HRNR: variants seen among roughly 807,000 people sequenced by gnomAD.
The protein encoded by HRNR is hornerin, also known as filaggrin family member 3.
A neutral mutation model predicts 4.8 loss-of-function variants in HRNR; 7 were observed. That is an observed-to-expected ratio of 1.47 (90% CI 0.83 to 2.75). HRNR has a LOEUF of 2.75. Ranked by LOEUF, HRNR falls within the 30% of genes most tolerant of loss-of-function variation. The pLI is 0.00. For missense variants in HRNR, 2,879 were observed against 3,010.4 expected, an observed-to-expected ratio of 0.96 and a Z score of 1.02; for synonymous variants, 1,023 against 1,242.7, an observed-to-expected ratio of 0.82 and a Z score of 3.72.
rs1340374684 is a variant in HRNR, at chr1:152,220,730, C to T, written c.899G>A (p.Gly300Glu). The T allele has an allele frequency of 6.2e-7, 1 of 1,613,798 alleles. No individual in the cohort carries two copies. The highest frequency in any genetic ancestry group is 8.5e-7 in the Non-Finnish European group (1 of 1,179,942). Residue 300 changes from glycine (G) to glutamate (E), a missense_variant, in exon 3 of 3, where the codon GGG becomes GAG. Transcript: ENST00000368801. Reference sequence around the variant, plus strand: ...GCTAGGAGACTGGCGAGATCCAGACCCTTGTCGGCCGTGGCCCAAAGACTG... The same window carrying T: ...GCTAGGAGACTGGCGAGATCCAGACTCTTGTCGGCCGTGGCCCAAAGACTG... ...SRQSLGHGRQ[G>E]SGSRQSPSHV...
At position 152,218,308 on chromosome 1, in the gene HRNR, A is replaced by C; in HGVS notation, c.3321T>G (p.Ser1107=). 1 of 1,608,244 alleles carries C rather than the reference A, an allele frequency of 6.2e-7. No individual in the cohort carries two copies. The highest frequency in any genetic ancestry group is 8.5e-7 in the Non-Finnish European group (1 of 1,178,844). ...CATAGCCAGAAGACTGACTTGAGCC[A>C]GAGCCATGCTGACCGTGGCTGGAAG... ...GQSSSHGQHG[S]GSSQSSGYGR... Residue 1107 remains serine, a synonymous_variant, in exon 3 of 3, where the codon TCT becomes TCG. Transcript: ENST00000368801.
Position 152,221,390 on chromosome 1 carries a change from T to G in HRNR, c.239A>C (p.Lys80Thr), listed in dbSNP as rs749961162. The change falls in exon 3 of 3, where the codon AAG becomes ACG. Residue 80 changes from lysine to threonine, a missense_variant. This residue lies in a region of HRNR where 2,646 missense variants were observed against 1,377.7 expected (regional missense o/e 1.92). Transcript: ENST00000368801. ...DFTEYLLMIFKLVQARNKIIG... is the reference protein window; with the variant it reads ...DFTEYLLMIFTLVQARNKIIG... ...GATTTTATTACGAGCCTGAACCAGC[T>G]TGAATATCATCAGAAGATACTCAGT... 3.1e-6 allele frequency: 5 copies of G among 1,613,920 alleles called. 1 individual carries two copies. The South Asian group carries it at 5.5e-5, about 18-fold the overall frequency.
In HRNR at chr1:152,212,861, C is replaced by A; in HGVS notation, c.*215G>T. On this transcript the variant is annotated 3_prime_UTR_variant, in exon 3 of 3. Transcript: ENST00000368801. ...AACAAGTTATTCCACTCAGTATTTT[C>A]TAACAAAGTAGCACAAATGCCTAAC... 3.1e-6 allele frequency: 2 copies of A among 636,736 alleles called. No individual in the cohort carries two copies. The highest frequency in any genetic ancestry group is 5.3e-6 in the Non-Finnish European group (2 of 377,968). 39.4% of individuals were successfully genotyped at this position (636,736 alleles called of 1,614,324 possible).
In HRNR at chr1:152,219,374, T is replaced by C. The variant is rs772339067; in HGVS notation, c.2255A>G (p.Tyr752Cys). ...HGSSSGLSSS[Y>C]GQHGSGSHQS... is the part of the protein sequence containing the mutation. ...ATGGGAGCCCGACCCATGCTGACCA[T>C]AGCTGGAAGACAAACCTGAGCTAGA... Residue 752 changes from tyrosine (Y) to cysteine (C), a missense_variant, in exon 3 of 3, where the codon TAT (tyrosine) becomes TGT (cysteine). Physicochemically the swap from Tyr to Cys is radical, Grantham distance 194 (BLOSUM62 -2). Around this residue, in one of 8 missense-constraint regions of HRNR, gnomAD observed 2,646 missense variants for 1,377.7 expected, o/e 1.92. Transcript: ENST00000368801. 25 of 1,613,930 alleles carry C rather than the reference T, an allele frequency of 1.5e-5. No individual in the cohort carries two copies. The Middle Eastern group carries it at 6.6e-4, about 43-fold the overall frequency.
chr1:152,221,015 T>C lies in HRNR; in HGVS notation c.614A>G (p.Tyr205Cys). The part of the protein sequence containing the change: ...CGSGSGQSPN[Y>C]GQHGSGSGQS... ...TCCGGAGCCAGAGCCGTGTTGGCCA[T>C]AGTTGGGAGACTGCCCTGACCCAGA... The change falls in exon 3 of 3, where the codon TAT (tyrosine) becomes TGT (cysteine). Residue 205 changes from tyrosine to cysteine, a missense_variant. This residue lies in a region of HRNR where 2,646 missense variants were observed against 1,377.7 expected (regional missense o/e 1.92). Transcript: ENST00000368801. The C allele has an allele frequency of 6.2e-7, 1 of 1,613,962 alleles. No homozygotes were observed. Among genetic ancestry groups the C allele is most frequent in the Non-Finnish European group, 8.5e-7 (1 of 1,180,002 alleles).
rs186903853 is a variant in HRNR, at chr1:152,220,373, C to G, written c.1256G>C (p.Gly419Ala). The stretch of plus-strand genomic sequence containing the variant: ...GCCGTGGCCTGGAGACTGGCCAGAT[C>G]CAGAGCTGTGTTGGCCGCGGCCTGA... ...HSSGRGQHSS[G>A]SGQSPGHGQR... Residue 419 changes from glycine (G) to alanine (A), a missense_variant, in exon 3 of 3, where the codon GGA becomes GCA. Physicochemically the swap from Gly to Ala is moderately conservative, Grantham distance 60. Transcript: ENST00000368801. 47 of 1,613,652 alleles carry G rather than the reference C, an allele frequency of 2.9e-5. No individual in the cohort carries two copies. Among genetic ancestry groups the G allele is most frequent in the Non-Finnish European group, 3.9e-5 (46 of 1,179,740 alleles).
Position 152,218,547 on chromosome 1 carries a change from T to C in HRNR, c.3082A>G (p.Arg1028Gly), listed in dbSNP as rs199973792. The change falls in exon 3 of 3, where the codon AGG becomes GGG. Residue 1028 changes from arginine to glycine, a missense_variant. Arg to Gly is a moderately radical substitution (Grantham distance 125). Transcript: ENST00000368801. ...CTTGAAGACCACCCTGAGCCAGACCTATATGGGCCATAGCTGGAAGACTGC... is the reference window on the plus strand; with the variant it reads ...CTTGAAGACCACCCTGAGCCAGACCCATATGGGCCATAGCTGGAAGACTGC... Reference protein sequence around the residue: ...SGQSSSYGPYRSGSGWSSSRG... With the variant: ...SGQSSSYGPYGSGSGWSSSRG... 1.8e-4 allele frequency: 292 copies of C among 1,607,654 alleles called. 3 individuals are homozygous for C. The East Asian group carries it at 2.7e-3, about 15-fold the overall frequency.
rs750130006 is a variant in HRNR, at chr1:152,219,972, T to A, written c.1657A>T (p.Arg553Trp). The change falls in exon 3 of 3, where the codon AGG becomes TGG. Residue 553 changes from arginine (R) to tryptophan (W), a missense_variant. Arg to Trp is a moderately radical substitution (Grantham distance 101). Coordinates refer to ENST00000368801, the MANE Select transcript of HRNR (RefSeq NM_001009931.3). ...TGTGGGCCATAGCTGGAAGACTGCC[T>A]GGAACCAGACTCATGTCGGCCACGG... ...PSRGRHESGS[R>W]QSSSYGPHGY... 1.2e-6 allele frequency: 2 copies of A among 1,610,832 alleles called. No individual in the cohort carries two copies. The highest frequency in any genetic ancestry group is 1.7e-6 in the Non-Finnish European group (2 of 1,179,156).
In HRNR at chr1:152,221,153, A is replaced by C; in HGVS notation, c.476T>G (p.Leu159Arg). 1 of 1,614,226 alleles carries C rather than the reference A, an allele frequency of 6.2e-7. No homozygotes were observed. Among genetic ancestry groups the C allele is most frequent in the Non-Finnish European group, 8.5e-7 (1 of 1,180,036 alleles). The change falls in exon 3 of 3, where the codon CTG (leucine) becomes CGG (arginine). Residue 159 changes from leucine (L) to arginine (R), a missense_variant. Transcript: ENST00000368801. ...KPGTESISRR[L>R]SFQRDFSGQH... is the part of the protein sequence containing the mutation. ...GCCAGAAAAGTCTCTTTGAAAACTC[A>C]GTCTTCTGGATATGGATTCAGTCCC...
chr1:152,218,604 G>A lies in HRNR; in HGVS notation c.3025C>T (p.Pro1009Ser). Residue 1009 changes from proline to serine, a missense_variant, in exon 3 of 3, where the codon CCT becomes TCT. Coordinates refer to ENST00000368801, the MANE Select transcript of HRNR (RefSeq NM_001009931.3). ...HGSGSGQSPS[P>S]SRGRHGSGSG... is the part of the protein sequence containing the mutation. ...CCAGACCCATGTCGGCCACGGCTAG[G>A]GCTAGGAGACTGGCCAGATCCAGAC... 11 of 1,612,570 alleles carry A rather than the reference G, an allele frequency of 6.8e-6. No individual in the cohort carries two copies. Among genetic ancestry groups the A allele is most frequent in the Non-Finnish European group, 7.6e-6 (9 of 1,179,640 alleles).
At position 152,220,498 on chromosome 1, in the gene HRNR, A is replaced by G; in HGVS notation, c.1131T>C (p.His377=). 3.1e-6 allele frequency: 5 copies of G among 1,609,496 alleles called. No homozygotes were observed. Among genetic ancestry groups the G allele is most frequent in the Non-Finnish European group, 4.2e-6 (5 of 1,178,206 alleles). The change falls in exon 3 of 3, where the codon CAT becomes CAC. Residue 377 remains histidine (H), a synonymous_variant. Coordinates refer to ENST00000368801, the MANE Select transcript of HRNR (RefSeq NM_001009931.3). The stretch of plus-strand genomic sequence containing the variant: ...TTGATGCCTGCCCTGACGTAGATCC[A>G]TGTTGTCCCTGGCTAGAGGAGTGAC... ...GSGHSSSQGQ[H]GSTSGQASSS... is the part of the protein sequence containing the mutation.
At position 152,219,798 on chromosome 1, in the gene HRNR, C is replaced by T. The variant is rs1365550711; in HGVS notation, c.1831G>A (p.Gly611Arg). 1.7e-5 allele frequency: 28 copies of T among 1,611,930 alleles called. No homozygotes were observed. The highest frequency in any genetic ancestry group is 2.3e-5 in the Non-Finnish European group (27 of 1,178,700). Reference sequence around the variant, plus strand: ...TGTCCTGATGTAGAACCATGTTGCCCATGGGTAGAGGAATGACCCGAGCTA... The same window carrying T: ...TGTCCTGATGTAGAACCATGTTGCCTATGGGTAGAGGAATGACCCGAGCTA... The part of the protein sequence containing the change: ...GSSSGHSSTH[G>R]QHGSTSGQSS... Residue 611 changes from glycine (G) to arginine (R), a missense_variant, in exon 3 of 3, where the codon GGG becomes AGG. Gly to Arg is a moderately radical substitution (Grantham distance 125). Coordinates refer to ENST00000368801, the MANE Select transcript of HRNR (RefSeq NM_001009931.3).
At position 152,219,720 on chromosome 1, in the gene HRNR, C is replaced by T. The variant is rs61814944; in HGVS notation, c.1909G>A (p.Gly637Ser). 1.1e-4 allele frequency: 184 copies of T among 1,613,434 alleles called. No homozygotes were observed. Among genetic ancestry groups the T allele is most frequent in the Non-Finnish European group, 1.4e-4 (163 of 1,179,568 alleles). ...GATSGQSSSH[G>S]QHGSGSSQSS... is the part of the protein sequence containing the mutation. ...TGACTTGAGCCAGAGCCATGCTGAC[C>T]GTGGCTGGAAGACTGACCTGAGGTA... Residue 637 changes from glycine (G) to serine (S), a missense_variant, in exon 3 of 3, where the codon GGT becomes AGT. By Grantham distance (56) the Gly-to-Ser change is moderately conservative (BLOSUM62 0). Coordinates refer to ENST00000368801, the MANE Select transcript of HRNR (RefSeq NM_001009931.3).
Position 152,219,249 on chromosome 1 carries a change from G to A in HRNR, c.2380C>T (p.His794Tyr), listed in dbSNP as rs534244931. ...GAAGAACAACTTGTGCCAGACCCGTGTTGGCCGTGGCTGGAGGAGTGCCCT... is the reference window on the plus strand; with the variant it reads ...GAAGAACAACTTGTGCCAGACCCGTATTGGCCGTGGCTGGAGGAGTGCCCT... ...SSGHSSSHGQ[H>Y]GSGTSCSSSC... The change falls in exon 3 of 3, where the codon CAC (histidine) becomes TAC (tyrosine). Residue 794 changes from histidine (H) to tyrosine (Y), a missense_variant. Physicochemically the swap from His to Tyr is moderately conservative, Grantham distance 83. Around this residue, in one of 8 missense-constraint regions of HRNR, gnomAD observed 2,646 missense variants for 1,377.7 expected, o/e 1.92. Coordinates refer to ENST00000368801, the MANE Select transcript of HRNR (RefSeq NM_001009931.3). 215 of 1,613,712 alleles carry A rather than the reference G, an allele frequency of 1.3e-4. 2 individuals carry two copies. The South Asian group carries it at 2.2e-3, about 16-fold the overall frequency.
Position 152,221,164 on chromosome 1 carries a change from T to C in HRNR, c.465A>G (p.Ile155Met). Reference protein sequence around the residue: ...RGSLKPGTESISRRLSFQRDF... With the variant: ...RGSLKPGTESMSRRLSFQRDF... ...CTCTTTGAAAACTCAGTCTTCTGGATATGGATTCAGTCCCAGGTTTAAGAC... is the reference window on the plus strand; with the variant it reads ...CTCTTTGAAAACTCAGTCTTCTGGACATGGATTCAGTCCCAGGTTTAAGAC... Residue 155 changes from isoleucine (I) to methionine (M), a missense_variant, in exon 3 of 3, where the codon ATA becomes ATG. Transcript: ENST00000368801. 2 of 1,614,200 alleles carry C rather than the reference T, an allele frequency of 1.2e-6. No homozygotes were observed. The highest frequency in any genetic ancestry group is 1.1e-5 in the South Asian group (1 of 91,088).
At position 152,219,506 on chromosome 1, in the gene HRNR, C is replaced by T. The variant is rs748798164; in HGVS notation, c.2123G>A (p.Gly708Glu). 54 of 1,613,770 alleles carry T rather than the reference C, an allele frequency of 3.3e-5. No individual in the cohort carries two copies. The highest frequency in any genetic ancestry group is 4.2e-5 in the Non-Finnish European group (50 of 1,179,996). ...SSGFGHKSGS[G>E]QSSGYSQHGS... ...ATGCTGACTGTAACCAGAGGACTGC[C>T]CTGAGCCAGACTTGTGACCAAAGCC... The change falls in exon 3 of 3, where the codon GGG (glycine) becomes GAG (glutamate). Residue 708 changes from glycine to glutamate, a missense_variant. Physicochemically the swap from Gly to Glu is moderately conservative, Grantham distance 98. Coordinates refer to ENST00000368801, the MANE Select transcript of HRNR (RefSeq NM_001009931.3).
At chr1:152,221,939 G>T (rs571300644) in intron 2 of HRNR, among the ~76,000 whole-genome samples, 2 of 152,068 alleles carry the variant, frequency 1.3e-5, no homozygotes, top group East Asian at 1.9e-4. Flanking sequence ...GAACAAGTTT[G>T]CTTCCTGAAA....
chr1:152,221,544 G>A, intron 2 of HRNR, 54 bp from the exon 3 acceptor site: 2 of 1,325,342 alleles, frequency 1.5e-6, no homozygotes, highest in Non-Finnish European at 2.1e-6. Flanking sequence ...CAATACATCT[G>A]GCTAACGAAC....
chr1:152,221,534 C>G (rs773932516), intron 2 of HRNR, 44 bp from the exon 3 acceptor site: 3 of 1,396,534 alleles, frequency 2.1e-6, no homozygotes, highest in Admixed American at 2.2e-5. Context: ...TTAGTATGGA[C>G]AATACATCTG....
Sources: gnomAD v4.1 joint callset for allele counts (sites outside exome capture counted in the v4.1 genomes callset) on GRCh38, gnomAD v4.1.1 for gene constraint, gnomAD v4.1.1 regional missense constraint, MANE v1.5 for transcripts, NCBI Gene and HGNC (gene_info 2026-07-23, HGNC 2026-07-21) for gene names.